The following LRFN5 variants were observed in gnomAD, a reference collection of about 807,000 sequenced individuals.
The protein encoded by LRFN5 is leucine-rich repeat and fibronectin type-III domain-containing protein 5.
In LRFN5, 24 loss-of-function variants were observed where a neutral mutation model predicts 45.6. That is an observed-to-expected ratio of 0.53 (90% CI 0.38 to 0.74). The LOEUF is 0.74. LRFN5 is among the 30% of genes least tolerant of loss of function. The pLI is 0.00. For missense variants in LRFN5, 776 were observed against 861.5 expected (o/e 0.90, Z 1.24); for synonymous variants, 340 against 313.8 (o/e 1.08, Z -0.88).
intron 1 of LRFN5, among the ~76,000 whole-genome samples, chr14:41,668,237 ACT>A (rs1880999289): frequency 6.6e-6 from 1 of 151,980 alleles, no homozygotes; most frequent in Admixed American, 6.5e-5. Context: ...TTTTCACTTA[ACT>A]CTTCACATTT....
intron 2 of LRFN5, among the ~76,000 whole-genome samples, chr14:41,772,293 T>C (rs1886118228): frequency 6.6e-6 from 1 of 152,200 alleles, no homozygotes; most frequent in African/African-American, 2.4e-5. Flanking sequence ...ACATAAGTTT[T>C]AAAGGAGACA....
intron 1 of LRFN5, among the ~76,000 whole-genome samples, chr14:41,748,211 G>A (rs1182546851): frequency 6.6e-6 from 1 of 152,030 alleles, no homozygotes; most frequent in East Asian, 1.9e-4. Context: ...ATCAAAAAAT[G>A]TATTTGTATA....
chr14:41,730,605 T>C (rs1229457925), intron 1 of LRFN5, among the ~76,000 whole-genome samples: 2 of 151,992 alleles, frequency 1.3e-5, no homozygotes, highest in African/African-American at 4.8e-5. Flanking sequence ...ATCAGTTTTG[T>C]ACGTTAACAC....
intron 2 of LRFN5, among the ~76,000 whole-genome samples, chr14:41,835,425 A>T (rs911388398): frequency 6.6e-6 from 1 of 152,238 alleles, no homozygotes; most frequent in Non-Finnish European, 1.5e-5. Flanking sequence ...GCAGATGCTT[A>T]TGTTTGGATT....
chr14:41,721,053 C>G (rs554130018), intron 1 of LRFN5, among the ~76,000 whole-genome samples: 1 of 152,142 alleles, frequency 6.6e-6, no homozygotes, highest in Non-Finnish European at 1.5e-5. Flanking sequence ...GTTTTATTAA[C>G]CTGGGTGCTC....
intron 2 of LRFN5, among the ~76,000 whole-genome samples, chr14:41,823,441 A>ATCTATG (rs1462953402): frequency 6.6e-6 from 1 of 151,100 alleles, no homozygotes; most frequent in African/African-American, 2.4e-5. Context: ...CTATATCTAT[A>ATCTATG]TTTGATTTTA....
At chr14:41,884,427 A>G (rs1048755739) in intron 2 of LRFN5, among the ~76,000 whole-genome samples, 1 of 152,150 alleles carries the variant, frequency 6.6e-6, no homozygotes, top group Non-Finnish European at 1.5e-5. Flanking sequence ...ATATGGCATC[A>G]AATAGGTGTT....
intron 2 of LRFN5, among the ~76,000 whole-genome samples, chr14:41,860,801 C>T (rs1183882336): frequency 6.6e-6 from 1 of 152,144 alleles, no homozygotes; most frequent in African/African-American, 2.4e-5. Flanking sequence ...GTTCTGCAGA[C>T]ATAGGACTTC....
At chr14:41,742,173 A>C (rs1232930118) in intron 1 of LRFN5, among the ~76,000 whole-genome samples, 1 of 151,800 alleles carries the variant, frequency 6.6e-6, no homozygotes, top group Non-Finnish European at 1.5e-5. Context: ...ATATATAGCC[A>C]ATGAATCTGA....
intron 2 of LRFN5, among the ~76,000 whole-genome samples, chr14:41,819,869 A>G (rs574338982): frequency 6.6e-6 from 1 of 152,082 alleles, no homozygotes; most frequent in Non-Finnish European, 1.5e-5. Context: ...TATCTGAAAC[A>G]TATCAACTAC....
Position 41,887,867 on chromosome 14 carries a change from T to G in LRFN5, c.1242T>G (p.Thr414=). ...ATACAAGCAGTAGTAATGGTGATAC[T>G]AAATTGAGTCAAGATAAAATTGTGG... The part of the protein sequence containing the change: ...GSNTSSSNGD[T]KLSQDKIVVA... The change falls in exon 3 of 6, where the codon ACT becomes ACG. Residue 414 remains threonine, a synonymous_variant. Transcript: ENST00000298119. This position sits in a 1 kb window ranked among gnomAD's most constrained non-coding sequence, Gnocchi z 4.8. 2 of 1,614,124 alleles carry G rather than the reference T, an allele frequency of 1.2e-6. No individual in the cohort carries two copies. Among genetic ancestry groups the G allele is most frequent in the Non-Finnish European group, 1.7e-6 (2 of 1,180,028 alleles).
intron 5 of LRFN5, among the ~76,000 whole-genome samples, chr14:41,899,625 CA>C (rs1250554271): frequency 6.6e-6 from 1 of 152,044 alleles, no homozygotes; most frequent in African/African-American, 2.4e-5. Context: ...CTGGAAGCAT[CA>C]GCCATTTGCT....
intron 2 of LRFN5, among the ~76,000 whole-genome samples, chr14:41,793,523 A>G (rs1210022649): frequency 6.6e-6 from 1 of 152,046 alleles, no homozygotes; most frequent in Non-Finnish European, 1.5e-5. Context: ...TAATGCTTAA[A>G]TATTCATTCA....
chr14:41,671,637 T>TTTTTTTTTTTA (rs61290111), intron 1 of LRFN5, among the ~76,000 whole-genome samples: 2 of 143,610 alleles, frequency 1.4e-5, no homozygotes, highest in South Asian at 2.2e-4. Flanking sequence ...TTTTTTTTTT[T>TTTTTTTTTTTA]ACGGAGTTTC....
intron 1 of LRFN5, among the ~76,000 whole-genome samples, chr14:41,611,140 G>A (rs942249881): frequency 4.6e-5 from 7 of 152,194 alleles, no homozygotes; most frequent in African/African-American, 1.7e-4. Context: ...CAAAGCAAAT[G>A]CATTAAAATG....
intron 1 of LRFN5, among the ~76,000 whole-genome samples, chr14:41,759,407 G>A (rs1885551353): frequency 1.3e-5 from 2 of 149,278 alleles, no homozygotes; most frequent in Admixed American, 1.3e-4. Context: ...ATATGTTCCA[G>A]TATTTTTACA....
chr14:41,767,690 C>T (rs1885936787), intron 2 of LRFN5, among the ~76,000 whole-genome samples: 1 of 152,106 alleles, frequency 6.6e-6, no homozygotes. Flanking sequence ...AAATGCATAA[C>T]ACAATGTACT....
At chr14:41,801,855 C>G (rs1274885687) in intron 2 of LRFN5, among the ~76,000 whole-genome samples, 11 of 152,122 alleles carry the variant, frequency 7.2e-5, no homozygotes, top group Non-Finnish European at 1.6e-4. Context: ...ATCTTACTTG[C>G]CAGTTCCTTG....
chr14:41,702,674 A>G (rs1210114464), intron 1 of LRFN5, among the ~76,000 whole-genome samples: 1 of 151,772 alleles, frequency 6.6e-6, no homozygotes, highest in African/African-American at 2.4e-5. Context: ...TGTGTTGCAC[A>G]GGCTGATCCT....
Sources: allele counts gnomAD v4.1 joint callset (sites outside exome capture counted in the v4.1 genomes callset), GRCh38; gene constraint gnomAD v4.1.1; non-coding constraint Gnocchi (gnomAD v3.1); transcripts MANE v1.5; gene names NCBI Gene and HGNC (gene_info 2026-07-23, HGNC 2026-07-21).